Variants in PDE4D observed in about 807,000 individuals in gnomAD.
PDE4D encodes the protein phosphodiesterase 4D.
In PDE4D, 24 loss-of-function variants were observed where a neutral mutation model predicts 87.4. That is an observed-to-expected ratio of 0.27 (90% CI 0.20 to 0.39). The LOEUF (loss-of-function observed/expected upper bound fraction) is 0.39. Among genes scored for constraint, PDE4D ranks in the 10% least tolerant of loss-of-function variants. PDE4D has a pLI of 1.00. For synonymous variants in PDE4D, 384 were observed against 383.2 expected, an observed-to-expected ratio of 1.00 and a Z score of -0.02; for missense variants, 714 against 1,041.0, an observed-to-expected ratio of 0.69 and a Z score of 4.32.
intron 1 of PDE4D, among the ~76,000 whole-genome samples, chr5:59,307,819 T>C (rs1226762831): frequency 1.3e-5 from 2 of 152,124 alleles, no homozygotes; most frequent in African/African-American, 2.4e-5. Flanking sequence ...CTCAGGGATC[T>C]AGAACTAGAA....
At chr5:59,376,728 G>A (rs572143622) in intron 1 of PDE4D, among the ~76,000 whole-genome samples, 2 of 152,052 alleles carry the variant, frequency 1.3e-5, no homozygotes, top group East Asian at 1.9e-4. Context: ...AATAGCTAAG[G>A]CAATCCTCAG....
intron 1 of PDE4D, among the ~76,000 whole-genome samples, chr5:59,683,618 C>T (rs910875341): frequency 6.6e-6 from 1 of 152,064 alleles, no homozygotes; most frequent in African/African-American, 2.4e-5. Context: ...ATATATCGAG[C>T]AGAAAATAGC....
intron 2 of PDE4D, among the ~76,000 whole-genome samples, chr5:60,000,181 A>G (rs559425450): frequency 1.3e-5 from 2 of 152,320 alleles, no homozygotes; most frequent in East Asian, 3.9e-4. Flanking sequence ...TTTGAAAAAA[A>G]CAATGGCTAG....
At chr5:59,260,383 C>A (rs188268028) in intron 1 of PDE4D, among the ~76,000 whole-genome samples, 2 of 151,864 alleles carry the variant, frequency 1.3e-5, no homozygotes, top group Admixed American at 1.3e-4. Context: ...GCAATTGGCA[C>A]CAAGGGAATT....
chr5:59,476,624 G>A (rs979305488), intron 1 of PDE4D, among the ~76,000 whole-genome samples: 3 of 151,952 alleles, frequency 2.0e-5, no homozygotes, highest in Non-Finnish European at 4.4e-5. Context: ...TCCTTTGGCT[G>A]GTAAGTTCAT....
intron 1 of PDE4D, among the ~76,000 whole-genome samples, chr5:60,479,899 T>A (rs1748598275): frequency 6.6e-6 from 1 of 152,194 alleles, no homozygotes; most frequent in African/African-American, 2.4e-5. Context: ...TATTCTCTCA[T>A]TTTATACATA....
chr5:59,920,954 T>C (rs1282855181), intron 3 of PDE4D, among the ~76,000 whole-genome samples: 1 of 152,100 alleles, frequency 6.6e-6, no homozygotes, highest in African/African-American at 2.4e-5. Flanking sequence ...AACATGGCAA[T>C]GTATACCTAT....
At chr5:59,157,846 A>G (rs1780481556) in intron 5 of PDE4D, among the ~76,000 whole-genome samples, 1 of 152,196 alleles carries the variant, frequency 6.6e-6, no homozygotes, top group Non-Finnish European at 1.5e-5. Context: ...ATGGAGCCAG[A>G]CTGATGGAAC....
intron 1 of PDE4D, among the ~76,000 whole-genome samples, chr5:59,653,151 T>A (rs1234042806): frequency 6.6e-6 from 1 of 151,404 alleles, no homozygotes; most frequent in Non-Finnish European, 1.5e-5. Flanking sequence ...ATTGGTTAGG[T>A]CTACATAGAT....
chr5:59,475,446 T>C (rs1803155124), intron 1 of PDE4D, among the ~76,000 whole-genome samples: 1 of 152,130 alleles, frequency 6.6e-6, no homozygotes, highest in African/African-American at 2.4e-5. Flanking sequence ...AAATCTGTAG[T>C]CTTACTTTCA....
intron 1 of PDE4D, among the ~76,000 whole-genome samples, chr5:59,572,037 C>T (rs962036656): frequency 3.3e-5 from 5 of 152,192 alleles, no homozygotes; most frequent in African/African-American, 1.2e-4. Flanking sequence ...GTGCTTGAAA[C>T]ATTTCAAGCC....
intron 1 of PDE4D, among the ~76,000 whole-genome samples, chr5:59,285,829 T>C (rs1030838650): frequency 1.3e-5 from 2 of 152,180 alleles, no homozygotes; most frequent in Admixed American, 1.3e-4. Context: ...TTATAAAATC[T>C]GCCAATCAGT....
intron 2 of PDE4D, among the ~76,000 whole-genome samples, chr5:60,136,865 T>A (rs1420887638): frequency 6.6e-6 from 1 of 152,136 alleles, no homozygotes; most frequent in East Asian, 1.9e-4. Flanking sequence ...GTTACATAGG[T>A]AAATTGTGCC....
rs953734244 is a variant in PDE4D, at chr5:59,499,447, A to T, written c.456-283479T>A. ...ATCAGAACAGAATTAAATGAAATTG[A>T]GACCCATAACAACTATACAAAGGAT... On this transcript the variant is annotated intron_variant, in intron 1 of 14. Coordinates refer to ENST00000340635, the MANE Select transcript of PDE4D (RefSeq NM_001104631.2). 5.9e-5 allele frequency among the ~76,000 whole-genome samples: 9 copies of T among 151,924 alleles called. 1 individual carries two copies. The highest frequency in any genetic ancestry group is 2.2e-4 in the African/African-American group (9 of 41,432).
intron 1 of PDE4D, among the ~76,000 whole-genome samples, chr5:59,700,485 C>T (rs1452613909): frequency 6.6e-6 from 1 of 151,752 alleles, no homozygotes; most frequent in Non-Finnish European, 1.5e-5. Context: ...TTATTGAATA[C>T]CAAAAATAAT....
chr5:60,127,940 G>A (rs1779253920), intron 2 of PDE4D, among the ~76,000 whole-genome samples: 1 of 152,096 alleles, frequency 6.6e-6, no homozygotes, highest in African/African-American at 2.4e-5. Flanking sequence ...TCAAATAGAA[G>A]TTAAAAGGGA....
At chr5:60,418,443 C>T (rs1436655258) in intron 1 of PDE4D, among the ~76,000 whole-genome samples, 1 of 152,130 alleles carries the variant, frequency 6.6e-6, no homozygotes, top group African/African-American at 2.4e-5. Context: ...ACAGCAACCA[C>T]AGTAATAATA....
intron 3 of PDE4D, among the ~76,000 whole-genome samples, chr5:59,187,244 A>C (rs113145881): frequency 4.6e-5 from 7 of 152,098 alleles, no homozygotes; most frequent in African/African-American, 1.7e-4. Context: ...TATTATAATA[A>C]ACTTCTAATT....
intron 1 of PDE4D, among the ~76,000 whole-genome samples, chr5:60,512,823 A>G (rs185958464): frequency 1.6e-3 from 248 of 152,290 alleles, no homozygotes; most frequent in Middle Eastern, 0.014. Flanking sequence ...ACTGAGATAC[A>G]GAAAAAACGA....
Sources: allele counts gnomAD v4.1 joint callset (sites outside exome capture counted in the v4.1 genomes callset), GRCh38; gene constraint gnomAD v4.1.1; transcripts MANE v1.5; gene names NCBI Gene and HGNC (gene_info 2026-07-23, HGNC 2026-07-21).